The following SLC43A1 variants were observed in gnomAD, a reference collection of about 807,000 sequenced individuals.
SLC43A1 encodes solute carrier family 43 member 1, also known as large neutral amino acids transporter small subunit 3.
A neutral mutation model predicts 59.5 loss-of-function variants in SLC43A1; 31 were observed. The observed-to-expected ratio is 0.52, with a 90% CI of 0.39 to 0.70. The LOEUF (loss-of-function observed/expected upper bound fraction) is 0.70, where lower values mean the gene tolerates loss of function less well. SLC43A1 is among the 30% of genes least tolerant of loss of function. The probability of loss-of-function intolerance (pLI) is 0.00; values close to 1 mark genes in which losing one functional copy is unlikely to be tolerated. For synonymous variants in SLC43A1, 259 were observed against 290.9 expected (o/e 0.89, Z 1.12); for missense variants, 598 against 717.8 (o/e 0.83, Z 1.91).
chr11:57,485,363 CTTA>C, intron 14 of SLC43A1, 121 bp from the exon 15 acceptor site: 1 of 882,300 alleles, frequency 1.1e-6, no homozygotes, highest in Non-Finnish European at 1.7e-6. Flanking sequence ...ACAGCTAGTA[CTTA>C]TTATGTGTAG....
chr11:57,492,957 T>C (rs936458105), intron 8 of SLC43A1, among the ~76,000 whole-genome samples: 1 of 151,802 alleles, frequency 6.6e-6, no homozygotes, highest in African/African-American at 2.4e-5. Flanking sequence ...GGAGAATTGC[T>C]TGAACCCGGG....
intron 8 of SLC43A1, 87 bp downstream of exon 8, chr11:57,493,906 G>A (rs999529489): frequency 1.3e-5 from 18 of 1,342,180 alleles, no homozygotes; most frequent in Middle Eastern, 1.9e-4. Context: ...AGAGGGGTGC[G>A]AATAAATACT....
Position 57,513,943 on chromosome 11 carries a change from C to CCCCCCAATTAA in SLC43A1, c.154+14_154+15insTTAATTGGGGG. On this transcript the variant is annotated intron_variant, in intron 2 of 14. Transcript: ENST00000278426. ...ATCCCTCCCCCCAGCCCACCCAGCC[C>CCCCCCAATTAA]ATTTTCAGGCATACCTGGGCACGTG... 5 of 1,454,686 alleles carry CCCCCCAATTAA rather than the reference C, an allele frequency of 3.4e-6. No homozygotes were observed. The highest frequency in any genetic ancestry group is 2.4e-5 in the East Asian group (1 of 41,818). The allele number at this position is 1,454,686 out of a possible 1,614,324, so 90.1% of individuals were successfully genotyped here.
chr11:57,496,305 AC>A, intron 6 of SLC43A1, 141 bp from the exon 7 acceptor site: 3 of 925,140 alleles, frequency 3.2e-6, no homozygotes, highest in Non-Finnish European at 4.7e-6. Flanking sequence ...GGAAACCAAG[AC>A]CAGAAGTTTA....
In SLC43A1 at chr11:57,491,826, G is replaced by A; in HGVS notation, c.908C>T (p.Thr303Ile). The A allele has an allele frequency of 6.2e-7, 1 of 1,614,220 alleles. No individual in the cohort carries two copies. Among genetic ancestry groups the A allele is most frequent in the Non-Finnish European group, 8.5e-7 (1 of 1,180,022 alleles). Reference protein sequence around the residue: ...VPLRKSLCSPTFLWSLLTMGM... With the variant: ...VPLRKSLCSPIFLWSLLTMGM... ...CATGGTGAGGAGGCTCCACAGGAAA[G>A]TGGGGGAGCAGAGGCTCTTGCGTAA... The change falls in exon 9 of 15, where the codon ACT becomes ATT. Residue 303 changes from threonine to isoleucine, a missense_variant. Transcript: ENST00000278426.
At position 57,489,388 on chromosome 11, in the gene SLC43A1, C is replaced by T. The variant is rs373535928; in HGVS notation, c.1198G>A (p.Gly400Arg). 3.5e-5 allele frequency: 57 copies of T among 1,614,086 alleles called. 1 individual carries two copies. The highest frequency in any genetic ancestry group is 2.9e-4 in the East Asian group (13 of 44,872). Reference protein sequence around the residue: ...QGTVLGDARDGVATKSIRPRY... With the variant: ...QGTVLGDARDRVATKSIRPRY... Reference sequence around the variant, plus strand: ...GGTCTGATGGATTTGGTAGCAACCCCGTCCCTGAGGAGTACGGGAAGTCAC... The same window carrying T: ...GGTCTGATGGATTTGGTAGCAACCCTGTCCCTGAGGAGTACGGGAAGTCAC... Residue 400 changes from glycine (G) to arginine (R), a missense_variant, in exon 12 of 15, where the codon GGG (glycine) becomes AGG (arginine). Transcript: ENST00000278426.
chr11:57,498,427 C>A (rs952645866), intron 5 of SLC43A1, among the ~76,000 whole-genome samples: 1 of 151,890 alleles, frequency 6.6e-6, no homozygotes, highest in South Asian at 2.1e-4. Flanking sequence ...GGTGACAGAG[C>A]GAGACTATGT....
intron 2 of SLC43A1, among the ~76,000 whole-genome samples, chr11:57,503,941 C>T (rs1394113796): frequency 6.6e-6 from 1 of 152,136 alleles, no homozygotes; most frequent in East Asian, 1.9e-4. Flanking sequence ...AGCCTGTAAT[C>T]CCAGCACTTT....
At chr11:57,493,933 C>T in intron 8 of SLC43A1, 60 bp downstream of exon 8, 1 of 1,489,258 alleles carries the variant, frequency 6.7e-7, no homozygotes. Flanking sequence ...TGAGTGCTCA[C>T]TGAATATGAG....
chr11:57,486,572 G>GGCAGA (rs1430013495), intron 14 of SLC43A1, among the ~76,000 whole-genome samples: 5 of 151,218 alleles, frequency 3.3e-5, no homozygotes, highest in African/African-American at 1.2e-4. Flanking sequence ...GGCTGAGGAG[G>GGCAGA]GCAGATCACG....
At chr11:57,511,009 A>C (rs1944527332) in intron 2 of SLC43A1, among the ~76,000 whole-genome samples, 1 of 152,110 alleles carries the variant, frequency 6.6e-6, no homozygotes, top group Admixed American at 6.6e-5. Flanking sequence ...TTTTTTTAAG[A>C]ATATGAAATA....
intron 8 of SLC43A1, among the ~76,000 whole-genome samples, chr11:57,492,533 T>C (rs1232555672): frequency 1.4e-5 from 1 of 72,538 alleles, no homozygotes; most frequent in African/African-American, 6.0e-5. Context: ...TATATAATTT[T>C]GTGTATATAT....
rs1944659467 is a variant in SLC43A1 at position 57,515,258 on chromosome 11, G to C, written c.-14+186C>G. Reference sequence around the variant, plus strand: ...CGGGAGGAAGAGAAGAGTCGGAGGGGTCAGAGAAAAGAAAAGGGAAGGACG... The same window carrying C: ...CGGGAGGAAGAGAAGAGTCGGAGGGCTCAGAGAAAAGAAAAGGGAAGGACG... On this transcript the variant is annotated intron_variant, in intron 1 of 14. Coordinates refer to ENST00000278426, the MANE Select transcript of SLC43A1 (RefSeq NM_003627.6). This position sits in a 1 kb window ranked among gnomAD's most constrained non-coding sequence, Gnocchi z 5.3. The C allele has an allele frequency of 6.2e-6, 1 of 160,012 alleles. No homozygotes were observed. Among genetic ancestry groups the C allele is most frequent in the South Asian group, 2.0e-4 (1 of 4,972 alleles). The allele number at this position is 160,012 out of a possible 1,614,324, so 9.9% of individuals were successfully genotyped here.
chr11:57,498,877 C>A lies in SLC43A1; in HGVS notation c.466-1032G>T, dbSNP rs373724440. ...GGCAGGGGAAGGCAAAGTCAGGATGCCCTTCGCACACACCCTCCTCTGGCC... is the reference window on the plus strand; with the variant it reads ...GGCAGGGGAAGGCAAAGTCAGGATGACCTTCGCACACACCCTCCTCTGGCC... On this transcript the variant is annotated intron_variant, in intron 5 of 14. Coordinates refer to ENST00000278426, the MANE Select transcript of SLC43A1 (RefSeq NM_003627.6). 7.2e-5 allele frequency among the ~76,000 whole-genome samples: 11 copies of A among 152,188 alleles called. No homozygotes were observed. The East Asian group carries it at 1.9e-3, about 27-fold the overall frequency.
chr11:57,500,869 A>C lies in SLC43A1; in HGVS notation c.389-14T>G. On this transcript the variant is annotated splice_polypyrimidine_tract_variant and intron_variant, in intron 4 of 14. Transcript: ENST00000278426. ...ACGGAGACAGAGCTGGAAAGGGGAA[A>C]GCAGCAGATGAGGGCATTTGGGGAG... is the stretch of plus-strand genomic sequence containing the variant. The C allele has an allele frequency of 6.2e-7, 1 of 1,614,036 alleles. No homozygotes were observed. The highest frequency in any genetic ancestry group is 1.3e-5 in the African/African-American group (1 of 75,062).
At chr11:57,499,832 G>A (rs1431570358) in intron 5 of SLC43A1, among the ~76,000 whole-genome samples, 2 of 152,150 alleles carry the variant, frequency 1.3e-5, no homozygotes, top group African/African-American at 4.8e-5. Context: ...GAGGGTCTGA[G>A]GTCAAGCGCC....
At position 57,505,824 on chromosome 11, in the gene SLC43A1, A is replaced by G. The variant is rs73476794; in HGVS notation, c.155-4495T>C. On this transcript the variant is annotated intron_variant, in intron 2 of 14. Transcript: ENST00000278426. ...TCTGGAAGAGCCGGGTTCAAATTCT[A>G]ATTCCACTAGCTGTGCTGCAGAAAC... 5.2e-3 allele frequency among the ~76,000 whole-genome samples: 799 copies of G among 152,284 alleles called. 6 individuals carry two copies. Among genetic ancestry groups the G allele is most frequent in the African/African-American group, 0.018 (757 of 41,556 alleles).
chr11:57,504,089 T>G (rs1300288492), intron 2 of SLC43A1, among the ~76,000 whole-genome samples: 1 of 151,910 alleles, frequency 6.6e-6, no homozygotes, highest in Admixed American at 6.6e-5. Context: ...CCCAGCTACT[T>G]GGGAGGCTGA....
At chr11:57,509,463 C>G (rs1001134120) in intron 2 of SLC43A1, among the ~76,000 whole-genome samples, 28 of 151,748 alleles carry the variant, frequency 1.8e-4, no homozygotes, top group Non-Finnish European at 3.4e-4. Flanking sequence ...TGGTGTGTGC[C>G]TGTAGTCCCA....
Sources: allele counts gnomAD v4.1 joint callset (sites outside exome capture counted in the v4.1 genomes callset), GRCh38; gene constraint gnomAD v4.1.1; non-coding constraint Gnocchi (gnomAD v3.1); transcripts MANE v1.5; gene names NCBI Gene and HGNC (gene_info 2026-07-23, HGNC 2026-07-21).